The following DIP2B variants were observed in gnomAD, a reference collection of about 807,000 sequenced individuals.
DIP2B encodes DIP2 acetate--CoA ligase B (putative).
DIP2B carries 76 observed loss-of-function variants against 198.0 expected under a neutral mutation model. The ratio of observed to expected loss-of-function variants is 0.38; its 90% CI spans 0.32 to 0.46. The LOEUF (loss-of-function observed/expected upper bound fraction) is 0.46. Among genes scored for constraint, DIP2B ranks in the 20% least tolerant of loss-of-function variants. The probability of loss-of-function intolerance (pLI) is 0.99; values close to 1 mark genes in which losing one functional copy is unlikely to be tolerated. For synonymous variants in DIP2B, 701 were observed against 739.1 expected (o/e 0.95, Z 0.84); for missense variants, 1,559 against 1,978.4 (o/e 0.79, Z 4.02).
chr12:50,720,764 G>T (rs558152436), intron 25 of DIP2B, among the ~76,000 whole-genome samples: 66 of 152,236 alleles, frequency 4.3e-4, no homozygotes, highest in Admixed American at 1.1e-3. Context: ...ACTGCAGCTT[G>T]GGCAACAGCA....
At chr12:50,703,947 A>T (rs975799907) in intron 19 of DIP2B, among the ~76,000 whole-genome samples, 193 bp from the exon 20 acceptor site, 2 of 150,466 alleles carry the variant, frequency 1.3e-5, no homozygotes, top group African/African-American at 4.9e-5. Flanking sequence ...ATATTTATAT[A>T]TGTATCTTCT....
chr12:50,666,166 A>G (rs1938748870), intron 4 of DIP2B, among the ~76,000 whole-genome samples: 1 of 152,196 alleles, frequency 6.6e-6, no homozygotes, highest in Admixed American at 6.5e-5. Flanking sequence ...ATAAAAACCC[A>G]CTGTATCCGG....
At chr12:50,591,513 C>G (rs998332148) in intron 1 of DIP2B, among the ~76,000 whole-genome samples, 2 of 152,138 alleles carry the variant, frequency 1.3e-5, no homozygotes, top group African/African-American at 4.8e-5. Flanking sequence ...TCTCAGCTCA[C>G]TGTATCCTTT....
chr12:50,671,182 A>G lies in DIP2B; in HGVS notation c.428-4A>G. ...AGAACTTCTTTTTTTCTAATTCCAC[A>G]CAGACACATCTTCGGCCTCTGAGGA... On this transcript the variant is annotated splice_polypyrimidine_tract_variant and splice_region_variant and intron_variant, in intron 4 of 37. Coordinates refer to ENST00000301180, the MANE Select transcript of DIP2B (RefSeq NM_173602.3). 6.2e-7 allele frequency: 1 copy of G among 1,613,876 alleles called. No homozygotes were observed. The highest frequency in any genetic ancestry group is 1.7e-5 in the Admixed American group (1 of 60,016).
At chr12:50,565,272 C>T (rs1408387859) in intron 1 of DIP2B, among the ~76,000 whole-genome samples, 1 of 151,742 alleles carries the variant, frequency 6.6e-6, no homozygotes, top group Non-Finnish European at 1.5e-5. Context: ...GCTGGGATTG[C>T]AGGCATGAGC....
At chr12:50,654,159 C>T (rs1938513907) in intron 3 of DIP2B, among the ~76,000 whole-genome samples, 1 of 152,144 alleles carries the variant, frequency 6.6e-6, no homozygotes, top group Non-Finnish European at 1.5e-5. Context: ...CAAGCGTGAA[C>T]CACCACGCCC....
intron 1 of DIP2B, among the ~76,000 whole-genome samples, chr12:50,520,401 T>G (rs1381455180): frequency 1.3e-5 from 2 of 152,206 alleles, no homozygotes; most frequent in Non-Finnish European, 2.9e-5. Flanking sequence ...TGATAGTTCT[T>G]GTTTAGTAAA....
At chr12:50,582,369 C>T (rs1175858950) in intron 1 of DIP2B, among the ~76,000 whole-genome samples, 1 of 151,818 alleles carries the variant, frequency 6.6e-6, no homozygotes, top group African/African-American at 2.4e-5. Context: ...AGACTGGTCT[C>T]GAACTCCTGA....
intron 1 of DIP2B, among the ~76,000 whole-genome samples, chr12:50,589,643 A>G (rs962279173): frequency 6.6e-6 from 1 of 152,130 alleles, no homozygotes; most frequent in African/African-American, 2.4e-5. Flanking sequence ...AAAGCTTGGT[A>G]TATCTGAAGA....
intron 7 of DIP2B, among the ~76,000 whole-genome samples, chr12:50,675,735 G>A (rs1938935363): frequency 6.6e-6 from 1 of 152,132 alleles, no homozygotes; most frequent in South Asian, 2.1e-4. Flanking sequence ...CCAAATACAT[G>A]ATTTTACGAG....
At chr12:50,677,606 C>T (rs778351013) in intron 7 of DIP2B, among the ~76,000 whole-genome samples, 1 of 152,122 alleles carries the variant, frequency 6.6e-6, no homozygotes, top group Admixed American at 6.5e-5. Flanking sequence ...CAGAGCAAGA[C>T]TCTGTCGTGG....
chr12:50,737,770 TAG>T (rs1435668601), intron 35 of DIP2B, among the ~76,000 whole-genome samples: 1 of 151,796 alleles, frequency 6.6e-6, no homozygotes. Flanking sequence ...GTATTTTTAG[TAG>T]AGATAGGGTT....
chr12:50,693,679 A>G (rs1473948180), intron 14 of DIP2B, among the ~76,000 whole-genome samples: 1 of 152,148 alleles, frequency 6.6e-6, no homozygotes, highest in Non-Finnish European at 1.5e-5. Context: ...TTTCTTCTTT[A>G]TCAGAAGTTA....
rs767674727 is a variant in DIP2B, at chr12:50,697,052, A to T, written c.1934-9A>T. Reference sequence around the variant, plus strand: ...TTCAGCTTCAGGTTGATCTGTTCCAACTCCTTAGGGTCCGTGTCATCCTGT... The same window carrying T: ...TTCAGCTTCAGGTTGATCTGTTCCATCTCCTTAGGGTCCGTGTCATCCTGT... On this transcript the variant is annotated splice_polypyrimidine_tract_variant and intron_variant, in intron 16 of 37. Coordinates refer to ENST00000301180, the MANE Select transcript of DIP2B (RefSeq NM_173602.3). The T allele has an allele frequency of 6.2e-7, 1 of 1,610,534 alleles. No homozygotes were observed. Among genetic ancestry groups the T allele is most frequent in the East Asian group, 2.2e-5 (1 of 44,774 alleles).
rs1433812173 is a variant in DIP2B, at chr12:50,625,995, C to T, written c.120C>T (p.Gly40=). The change falls in exon 2 of 38, where the codon GGC becomes GGT. Residue 40 remains glycine (G), a synonymous_variant. Transcript: ENST00000301180. ...TTTTAGGGGACATCACCCAGAAGGGCTATGAAAAGAAAAGGTCCAAACTCC... is the reference window on the plus strand; with the variant it reads ...TTTTAGGGGACATCACCCAGAAGGGTTATGAAAAGAAAAGGTCCAAACTCC... ...ELSEGDITQK[G]YEKKRSKLLS... 3 of 1,613,980 alleles carry T rather than the reference C, an allele frequency of 1.9e-6. No homozygotes were observed. In the African/African-American group the frequency reaches 4.0e-5, roughly 22 times the overall value.
At chr12:50,523,269 A>G (rs1958136165) in intron 1 of DIP2B, among the ~76,000 whole-genome samples, 1 of 152,174 alleles carries the variant, frequency 6.6e-6, no homozygotes, top group African/African-American at 2.4e-5. Context: ...TTACTTATAT[A>G]CTTGTATAGT....
chr12:50,616,708 G>T (rs180868815), intron 1 of DIP2B, among the ~76,000 whole-genome samples: 161 of 152,290 alleles, frequency 1.1e-3, no homozygotes, highest in Non-Finnish European at 1.8e-3. Flanking sequence ...GCTTCATTTT[G>T]TATGTTTGTG....
chr12:50,516,389 G>C (rs979961460), intron 1 of DIP2B, among the ~76,000 whole-genome samples: 18 of 152,162 alleles, frequency 1.2e-4, no homozygotes, highest in Non-Finnish European at 2.2e-4. Flanking sequence ...CAAGTAGCTG[G>C]GATTACAGGC....
At chr12:50,517,305 G>C (rs1958074746) in intron 1 of DIP2B, among the ~76,000 whole-genome samples, 2 of 151,826 alleles carry the variant, frequency 1.3e-5, no homozygotes, top group South Asian at 4.2e-4. Context: ...TCACTCCTGG[G>C]CTAAGGTGAT....
Sources: gnomAD v4.1 joint callset for allele counts (sites outside exome capture counted in the v4.1 genomes callset) on GRCh38, gnomAD v4.1.1 for gene constraint, MANE v1.5 for transcripts, NCBI Gene and HGNC (gene_info 2026-07-23, HGNC 2026-07-21) for gene names.